Variants in XYLT1 observed in about 807,000 individuals in gnomAD.
XYLT1 encodes xylosyltransferase 1.
Under a neutral mutation model 91.3 loss-of-function variants are expected in XYLT1, and 36 were observed. That is an observed-to-expected ratio of 0.39 (90% confidence interval 0.30 to 0.52). XYLT1 has a LOEUF of 0.52. Among genes scored for constraint, XYLT1 ranks in the 20% least tolerant of loss-of-function variants. The pLI, the probability that XYLT1 is intolerant of heterozygous loss-of-function variation, is 0.68. For synonymous variants in XYLT1, 588 were observed against 532.0 expected (o/e 1.11, Z -1.45); for missense variants, 1,242 against 1,284.5 (o/e 0.97, Z 0.51).
At chr16:17,168,658 A>G (rs1274996645) in intron 5 of XYLT1, among the ~76,000 whole-genome samples, 1 of 152,148 alleles carries the variant, frequency 6.6e-6, no homozygotes, top group African/African-American at 2.4e-5. Flanking sequence ...TTGCTAAGAT[A>G]CGGAGGAAAA....
At position 17,106,538 on chromosome 16, in the gene XYLT1, G is replaced by C. The variant is rs562854723; in HGVS notation, c.*2157C>G. On this transcript the variant is annotated 3_prime_UTR_variant, in exon 12 of 12. Transcript: ENST00000261381. ...CTCCTAAGATGGATCTCTCTCAAAG[G>C]AGCCTGTTTCCCTCTGTTAAGGTCG... 12 of 152,318 alleles carry C rather than the reference G, an allele frequency of 7.9e-5. No homozygotes were observed. Among genetic ancestry groups the C allele is most frequent in the Admixed American group, 7.2e-4 (11 of 15,304 alleles). 9.4% of individuals were successfully genotyped at this position (152,318 alleles called of 1,614,324 possible). A position where few individuals can be genotyped will look rare whatever the true frequency, so the allele number is the denominator to read the frequency against.
intron 5 of XYLT1, 24 bp from the exon 6 acceptor site, chr16:17,158,933 A>C (rs1178598540): frequency 6.2e-7 from 1 of 1,608,322 alleles, no homozygotes; most frequent in East Asian, 2.2e-5. Context: ...CCAAGGGGAG[A>C]GTCAGGCCAG....
chr16:17,124,349 GA>G lies in XYLT1; in HGVS notation c.2223+3316del, dbSNP rs543964085. On this transcript the variant is annotated intron_variant, in intron 10 of 11. Transcript: ENST00000261381. ...TGGTGAATTATCTTAGCATTTTTCT[GA>G]AAAAACTGTATCTTTCATTTATGAA... 8.9e-4 allele frequency among the ~76,000 whole-genome samples: 135 copies of G among 152,188 alleles called. 2 individuals are homozygous for G. Among genetic ancestry groups the G allele is most frequent in the Non-Finnish European group, 1.5e-3 (99 of 67,984 alleles).
chr16:17,252,439 A>T (rs1413030941), intron 3 of XYLT1, among the ~76,000 whole-genome samples: 1 of 152,082 alleles, frequency 6.6e-6, no homozygotes, highest in Non-Finnish European at 1.5e-5. Flanking sequence ...TGTGTGGCTC[A>T]AAACAAATTT....
At chr16:17,429,000 C>T (rs554237966) in intron 1 of XYLT1, among the ~76,000 whole-genome samples, 10 of 152,136 alleles carry the variant, frequency 6.6e-5, no homozygotes, top group Non-Finnish European at 1.2e-4. Context: ...GCCTAAAAAC[C>T]CCAACTGCTC....
At chr16:17,430,879 T>C (rs1238995371) in intron 1 of XYLT1, among the ~76,000 whole-genome samples, 2 of 152,062 alleles carry the variant, frequency 1.3e-5, no homozygotes, top group Non-Finnish European at 1.5e-5. Flanking sequence ...GTATCTAAAG[T>C]AAACTGGGGC....
chr16:17,446,365 T>G (rs573664470), intron 1 of XYLT1: 23 of 152,328 alleles, frequency 1.5e-4, no homozygotes, highest in African/African-American at 5.5e-4. Context: ...ACTTATTGAC[T>G]CTTCACAATA....
At chr16:17,205,553 G>A (rs991585486) in intron 3 of XYLT1, among the ~76,000 whole-genome samples, 1 of 152,202 alleles carries the variant, frequency 6.6e-6, no homozygotes, top group Non-Finnish European at 1.5e-5. Context: ...ATCCAGAAGA[G>A]AGAGCACAGT....
chr16:17,383,231 T>C (rs1483155327), intron 1 of XYLT1, among the ~76,000 whole-genome samples: 2 of 151,830 alleles, frequency 1.3e-5, no homozygotes, highest in Non-Finnish European at 2.9e-5. Context: ...TCCTCCTCAT[T>C]TTGCACGGCC....
chr16:17,172,285 C>T (rs927090749), intron 5 of XYLT1, among the ~76,000 whole-genome samples: 4 of 151,070 alleles, frequency 2.6e-5, no homozygotes, highest in South Asian at 2.1e-4. Context: ...TGCATCCTGC[C>T]TACTCAATCT....
At chr16:17,184,839 C>T (rs1257113680) in intron 5 of XYLT1, among the ~76,000 whole-genome samples, 2 of 152,190 alleles carry the variant, frequency 1.3e-5, no homozygotes, top group Admixed American at 6.5e-5. Context: ...CATTTTTCCC[C>T]AGGACTCTGA....
At position 17,306,762 on chromosome 16, in the gene XYLT1, A is replaced by G. The variant is rs1051549789; in HGVS notation, c.403-47264T>C. 9.2e-5 allele frequency among the ~76,000 whole-genome samples: 14 copies of G among 152,308 alleles called. No individual in the cohort carries two copies. The South Asian group carries it at 1.0e-3, about 11-fold the overall frequency. On this transcript the variant is annotated intron_variant, in intron 2 of 11. Coordinates refer to ENST00000261381, the MANE Select transcript of XYLT1 (RefSeq NM_022166.4). Reference sequence around the variant, plus strand: ...AATCCTTTGGTAAGATTAAACATCCAAATTCCTAGAAATATATCCCCTTGG... The same window carrying G: ...AATCCTTTGGTAAGATTAAACATCCGAATTCCTAGAAATATATCCCCTTGG...
At chr16:17,395,106 G>A (rs1314964497) in intron 1 of XYLT1, among the ~76,000 whole-genome samples, 1 of 152,190 alleles carries the variant, frequency 6.6e-6, no homozygotes, top group African/African-American at 2.4e-5. Context: ...AGGAAGAGGG[G>A]CAAGGCACAT....
intron 5 of XYLT1, among the ~76,000 whole-genome samples, chr16:17,175,606 T>G (rs2031925853): frequency 6.6e-6 from 1 of 152,302 alleles, no homozygotes; most frequent in African/African-American, 2.4e-5. Flanking sequence ...TGTGGACACC[T>G]GCAGAACTTA....
chr16:17,349,022 A>G (rs2035184115), intron 2 of XYLT1, among the ~76,000 whole-genome samples: 1 of 152,224 alleles, frequency 6.6e-6, no homozygotes, highest in Non-Finnish European at 1.5e-5. Context: ...CTTCTGCCTC[A>G]GTGCTTGAAG....
intron 9 of XYLT1, among the ~76,000 whole-genome samples, chr16:17,134,117 C>T (rs2030610626): frequency 6.6e-6 from 1 of 152,098 alleles, no homozygotes; most frequent in South Asian, 2.1e-4. Context: ...CTATGTTGTA[C>T]ATCTTTGACA....
intron 1 of XYLT1, among the ~76,000 whole-genome samples, chr16:17,435,161 CAG>C (rs1350304376): frequency 1.3e-5 from 2 of 152,332 alleles, no homozygotes; most frequent in African/African-American, 4.8e-5. Context: ...ATGCAAGAGT[CAG>C]GGGTTACACC....
chr16:17,327,478 T>G (rs1365780016), intron 2 of XYLT1, among the ~76,000 whole-genome samples: 1 of 148,504 alleles, frequency 6.7e-6, no homozygotes, highest in Non-Finnish European at 1.5e-5. Context: ...TTCTCTTGCC[T>G]CAGCCTCTGG....
intron 2 of XYLT1, among the ~76,000 whole-genome samples, chr16:17,339,967 T>C (rs1596490856): frequency 6.6e-6 from 1 of 151,762 alleles, no homozygotes; most frequent in South Asian, 2.1e-4. Context: ...CATCCATCCA[T>C]GATGCATCCA....
Sources: allele counts gnomAD v4.1 joint callset (sites outside exome capture counted in the v4.1 genomes callset), GRCh38; gene constraint gnomAD v4.1.1; transcripts MANE v1.5; gene names NCBI Gene and HGNC (gene_info 2026-07-23, HGNC 2026-07-21).